Variants in SYNPR observed in about 807,000 individuals in gnomAD.
The protein encoded by SYNPR is synaptoporin.
Under a neutral mutation model 32.9 loss-of-function variants are expected in SYNPR, and 23 were observed. That is an observed-to-expected ratio of 0.70 (90% CI 0.50 to 0.99). The LOEUF is 0.99. Ranked by LOEUF, SYNPR falls within the 50% of genes least tolerant of loss-of-function variation. SYNPR has a pLI of 0.00. For missense variants in SYNPR, 318 were observed against 349.3 expected, an observed-to-expected ratio of 0.91 and a Z score of 0.71; for synonymous variants, 146 against 135.9, an observed-to-expected ratio of 1.07 and a Z score of -0.52.
intron 2 of SYNPR, among the ~76,000 whole-genome samples, chr3:63,301,541 T>C (rs2086857691): frequency 6.6e-6 from 1 of 152,082 alleles, no homozygotes; most frequent in Admixed American, 6.6e-5. Flanking sequence ...CAACATTCAC[T>C]ATTTTGAAAA....
intron 2 of SYNPR, among the ~76,000 whole-genome samples, chr3:63,285,799 T>C (rs887625773): frequency 4.6e-5 from 7 of 152,224 alleles, no homozygotes; most frequent in African/African-American, 1.7e-4. Context: ...TTCATTTTTC[T>C]CATCTATAAG....
chr3:63,439,128 T>C (rs1003374790), intron 2 of SYNPR, among the ~76,000 whole-genome samples: 2 of 152,146 alleles, frequency 1.3e-5, no homozygotes, highest in African/African-American at 2.4e-5. Context: ...AGCTTTTCCA[T>C]TCAGAGGAAA....
At chr3:63,425,213 G>T (rs533863672) in intron 2 of SYNPR, among the ~76,000 whole-genome samples, 1 of 152,250 alleles carries the variant, frequency 6.6e-6, no homozygotes, top group East Asian at 1.9e-4. Flanking sequence ...TTCACATTTT[G>T]GGGGGAAATG....
intron 2 of SYNPR, among the ~76,000 whole-genome samples, chr3:63,288,319 G>C (rs1346568225): frequency 1.3e-5 from 2 of 152,206 alleles, no homozygotes; most frequent in African/African-American, 4.8e-5. Flanking sequence ...AAGTCATTAA[G>C]AGGACAGACC....
chr3:63,414,265 GC>G (rs2088510500), intron 2 of SYNPR, among the ~76,000 whole-genome samples: 1 of 151,988 alleles, frequency 6.6e-6, no homozygotes, highest in Non-Finnish European at 1.5e-5. Context: ...AGTTTTGTGG[GC>G]TTTTTTCTTA....
chr3:63,298,999 T>A (rs1575590452), intron 2 of SYNPR, among the ~76,000 whole-genome samples: 1 of 152,260 alleles, frequency 6.6e-6, no homozygotes, highest in Non-Finnish European at 1.5e-5. Context: ...GGGAAGGAAC[T>A]CCCTCTCTGA....
chr3:63,338,174 C>T lies in SYNPR; in HGVS notation c.84+59432C>T, dbSNP rs76719433. The stretch of plus-strand genomic sequence containing the variant: ...GTTAAAATTTTCTGTAAGTCTAAAA[C>T]TGCTCTAATAAATAAAGTTTATTTG... On this transcript the variant is annotated intron_variant, in intron 2 of 5. Coordinates refer to ENST00000478300, the MANE Select transcript of SYNPR (RefSeq NM_001130003.2). Among the ~76,000 whole-genome samples the T allele has an allele frequency of 4.9e-3, 747 of 152,270 alleles. 5 individuals are homozygous for T. Among genetic ancestry groups the T allele is most frequent in the Non-Finnish European group, 7.7e-3 (522 of 68,010 alleles).
chr3:63,440,443 C>G (rs1700149864), intron 2 of SYNPR, among the ~76,000 whole-genome samples: 2 of 152,118 alleles, frequency 1.3e-5, no homozygotes, highest in African/African-American at 4.8e-5. Flanking sequence ...CTAATTTATG[C>G]TTTAAATGGC....
At chr3:63,445,823 C>T (rs1424295729) in intron 2 of SYNPR, among the ~76,000 whole-genome samples, 1 of 152,190 alleles carries the variant, frequency 6.6e-6, no homozygotes, top group Non-Finnish European at 1.5e-5. Context: ...GTACAATCTA[C>T]AACAAACGCC....
chr3:63,465,246 A>C (rs1250919071), intron 2 of SYNPR, among the ~76,000 whole-genome samples: 1 of 152,132 alleles, frequency 6.6e-6, no homozygotes, highest in Non-Finnish European at 1.5e-5. Flanking sequence ...AATGAGGCAG[A>C]ACTAAATGGG....
chr3:63,589,523 T>A (rs1703267548), intron 4 of SYNPR, among the ~76,000 whole-genome samples: 1 of 151,458 alleles, frequency 6.6e-6, no homozygotes, highest in African/African-American at 2.4e-5. Flanking sequence ...TTTAGACCAA[T>A]ATCCTTGATG....
intron 2 of SYNPR, among the ~76,000 whole-genome samples, chr3:63,333,420 A>C (rs899928931): frequency 6.6e-6 from 1 of 151,904 alleles, no homozygotes; most frequent in Non-Finnish European, 1.5e-5. Flanking sequence ...AACAGGGGGA[A>C]TTTCTTTCTG....
intron 2 of SYNPR, among the ~76,000 whole-genome samples, chr3:63,438,123 G>A (rs1700116261): frequency 6.6e-6 from 1 of 152,238 alleles, no homozygotes; most frequent in African/African-American, 2.4e-5. Context: ...TACAGAGATA[G>A]TAAGATATTG....
chr3:63,361,906 G>C (rs997945743), intron 2 of SYNPR, among the ~76,000 whole-genome samples: 1 of 152,070 alleles, frequency 6.6e-6, no homozygotes, highest in Non-Finnish European at 1.5e-5. Flanking sequence ...TGAAAAAATA[G>C]CTAATATTAT....
chr3:63,429,883 T>C (rs184816868), intron 2 of SYNPR, among the ~76,000 whole-genome samples: 18 of 152,356 alleles, frequency 1.2e-4, no homozygotes, highest in Middle Eastern at 3.4e-3. Flanking sequence ...TCTGTTTTAC[T>C]TGGCTTCTTC....
chr3:63,509,791 G>A (rs1339164425), intron 3 of SYNPR, among the ~76,000 whole-genome samples: 1 of 152,050 alleles, frequency 6.6e-6, no homozygotes, highest in East Asian at 1.9e-4. Context: ...AAAAAACTTA[G>A]CATGGTATCT....
intron 2 of SYNPR, among the ~76,000 whole-genome samples, chr3:63,438,218 A>AT (rs1700117497): frequency 6.6e-6 from 1 of 152,068 alleles, no homozygotes; most frequent in South Asian, 2.1e-4. Context: ...ATTTTCTCTC[A>AT]TTTTATCTCC....
chr3:63,250,848 T>G (rs992000843), intron 1 of SYNPR, among the ~76,000 whole-genome samples: 1 of 152,142 alleles, frequency 6.6e-6, no homozygotes, highest in Admixed American at 6.5e-5. Flanking sequence ...GTGTTTAAGC[T>G]TCTGATCCAT....
chr3:63,486,475 C>A (rs1701152896), intron 3 of SYNPR, among the ~76,000 whole-genome samples: 1 of 152,150 alleles, frequency 6.6e-6, no homozygotes, highest in African/African-American at 2.4e-5. Context: ...CTTTCATTAT[C>A]TTTTTTACCT....
Sources: gnomAD v4.1 joint callset for allele counts (sites outside exome capture counted in the v4.1 genomes callset) on GRCh38, gnomAD v4.1.1 for gene constraint, MANE v1.5 for transcripts, NCBI Gene and HGNC (gene_info 2026-07-23, HGNC 2026-07-21) for gene names.